Variants in GTF2IRD1 observed in about 807,000 individuals in gnomAD.
GTF2IRD1 encodes general transcription factor II-I repeat domain-containing protein 1.
In GTF2IRD1, 26 loss-of-function variants were observed where a neutral mutation model predicts 113.2. The observed-to-expected ratio is 0.23, with a 90% CI of 0.17 to 0.32. GTF2IRD1 has a LOEUF of 0.32. Ranked by LOEUF, GTF2IRD1 falls within the 10% of genes least tolerant of loss-of-function variation. GTF2IRD1 has a pLI of 1.00. For missense variants in GTF2IRD1, 864 were observed against 1,280.8 expected (o/e 0.67, Z 4.97); for synonymous variants, 484 against 529.1 (o/e 0.91, Z 1.17).
At chr7:74,488,034 A>C (rs935018561) in intron 1 of GTF2IRD1, among the ~76,000 whole-genome samples, 6 of 152,198 alleles carry the variant, frequency 3.9e-5, no homozygotes, top group Admixed American at 2.0e-4. Context: ...ATAATCTAGC[A>C]CTTTGGGAGC....
intron 1 of GTF2IRD1, among the ~76,000 whole-genome samples, chr7:74,497,327 G>C (rs1421176880): frequency 6.6e-6 from 1 of 152,146 alleles, no homozygotes; most frequent in African/African-American, 2.4e-5. Context: ...CAGTTGCACA[G>C]TCACACCTCA....
chr7:74,463,073 G>A (rs1208376198), intron 1 of GTF2IRD1, among the ~76,000 whole-genome samples: 2 of 152,146 alleles, frequency 1.3e-5, no homozygotes, highest in East Asian at 3.8e-4. Context: ...CAGCTGTTTT[G>A]CTTGGGGTAG....
chr7:74,492,813 G>T (rs55831947), intron 1 of GTF2IRD1, among the ~76,000 whole-genome samples: 28 of 152,120 alleles, frequency 1.8e-4, no homozygotes, highest in African/African-American at 6.7e-4. Context: ...CCTGGGGGCT[G>T]CCAGCACTCC....
chr7:74,596,459 CAAA>C (rs1184751959), intron 25 of GTF2IRD1, among the ~76,000 whole-genome samples: 5 of 60,490 alleles, frequency 8.3e-5, no homozygotes, highest in Non-Finnish European at 9.6e-5. Context: ...GACTCTGTCT[CAAA>C]AAAAAAAAAA....
chr7:74,495,544 T>C (rs1554337644), intron 1 of GTF2IRD1, among the ~76,000 whole-genome samples: 1 of 152,072 alleles, frequency 6.6e-6, no homozygotes, highest in Admixed American at 6.5e-5. Flanking sequence ...CAGGCCTTGT[T>C]ATGTGTAGCA....
At chr7:74,493,451 G>C (rs868935886) in intron 1 of GTF2IRD1, among the ~76,000 whole-genome samples, 6 of 152,178 alleles carry the variant, frequency 3.9e-5, no homozygotes, top group Middle Eastern at 3.4e-3. Flanking sequence ...GGCATTTAGA[G>C]CCTACCCGGC....
At position 74,515,532 on chromosome 7, in the gene GTF2IRD1, G is replaced by C. The variant is rs1554344481; in HGVS notation, c.357G>C (p.Leu119=). ...GCCGTAGCCTCCCTCGGTCCTCCCT[G>C]GAACATGGCTCAGATGTGTACCTTC... ...GGGRSLPRSS[L]EHGSDVYLLR... Residue 119 remains leucine (L), a synonymous_variant, in exon 4 of 27, where the codon CTG becomes CTC. Transcript: ENST00000424337. The C allele has an allele frequency of 6.2e-7, 1 of 1,613,824 alleles. No individual in the cohort carries two copies. The highest frequency in any genetic ancestry group is 1.3e-5 in the African/African-American group (1 of 74,922).
rs1800829930 is a variant in GTF2IRD1, at chr7:74,573,673, TGGTAACCATG to T, written c.2320+14020_2320+14029del. On this transcript the variant is annotated intron_variant, in intron 22 of 26. Transcript: ENST00000424337. ...CCATAGAAGTAGAGCAGGGGCAGGG[TGGTAACCATG>T]GCTCAGCACATGTGGTTTACTGGGT... is the stretch of plus-strand genomic sequence containing the variant. 2.0e-5 allele frequency among the ~76,000 whole-genome samples: 3 copies of T among 152,176 alleles called. No individual in the cohort carries two copies. In the South Asian group the frequency reaches 6.2e-4, roughly 32 times the overall value.
rs202215394 is a variant in GTF2IRD1, at chr7:74,524,153, T to C, written c.1089T>C (p.Tyr363=). 4 of 1,604,616 alleles carry C rather than the reference T, an allele frequency of 2.5e-6. No homozygotes were observed. Among genetic ancestry groups the C allele is most frequent in the African/African-American group, 1.3e-5 (1 of 74,754 alleles). The change falls in exon 8 of 27, where the codon TAT becomes TAC. Residue 363 remains tyrosine (Y), a splice_region_variant and synonymous_variant. Coordinates refer to ENST00000424337, the MANE Select transcript of GTF2IRD1 (RefSeq NM_005685.4). ...ECVQILFNSR[Y]AEALGLDHMV... ...TGCAGATCCTGTTTAACAGCAGATA[T>C]GGTGAGTGGGCGGCGCGGCCCGCCG...
At position 74,576,617 on chromosome 7, in the gene GTF2IRD1, C is replaced by CTT. The variant is rs1165378230; in HGVS notation, c.2321-13203_2321-13202dup. ...TCTAGGGGAAAATCTATTTCCTTGTCTTTTTTTTTTTTTTTTTTTTTTTTT... is the reference window on the plus strand; with the variant it reads ...TCTAGGGGAAAATCTATTTCCTTGTCTTTTTTTTTTTTTTTTTTTTTTTTTTT... On this transcript the variant is annotated intron_variant, in intron 22 of 26. Transcript: ENST00000424337. Among the ~76,000 whole-genome samples, 430 of 49,376 alleles carry CTT rather than the reference C, an allele frequency of 8.7e-3. 58 individuals carry two copies. The highest frequency in any genetic ancestry group is 0.014 in the African/African-American group (163 of 11,740). 32.4% of individuals were successfully genotyped at this position (49,376 alleles called of 152,430 possible).
intron 22 of GTF2IRD1, among the ~76,000 whole-genome samples, chr7:74,569,467 C>T (rs1174837396): frequency 5.9e-5 from 9 of 152,096 alleles, no homozygotes; most frequent in Admixed American, 3.9e-4. Context: ...TGGGGTTGTG[C>T]AGTGAGGGGG....
intron 25 of GTF2IRD1, among the ~76,000 whole-genome samples, chr7:74,599,876 C>G (rs1262908477): frequency 1.3e-5 from 2 of 152,104 alleles, no homozygotes; most frequent in African/African-American, 4.8e-5. Context: ...TCCAGCCTCC[C>G]CAGAACTCCC....
chr7:74,495,347 G>A (rs1795593965), intron 1 of GTF2IRD1, among the ~76,000 whole-genome samples: 2 of 152,158 alleles, frequency 1.3e-5, no homozygotes, highest in African/African-American at 2.4e-5. Flanking sequence ...AGAGCACTTC[G>A]GCGTTCTGCT....
chr7:74,505,042 C>G (rs1395298954), intron 1 of GTF2IRD1, among the ~76,000 whole-genome samples: 1 of 151,534 alleles, frequency 6.6e-6, no homozygotes, highest in Admixed American at 6.6e-5. Context: ...ATTTAAAAGA[C>G]AGGGTCTTGC....
rs1415252974 is a variant in GTF2IRD1 at position 74,572,648 on chromosome 7, T to C, written c.2320+12993T>C. 7 of 613,230 alleles carry C rather than the reference T, an allele frequency of 1.1e-5. No homozygotes were observed. The African/African-American group carries it at 1.4e-4, about 12-fold the overall frequency. The allele number at this position is 613,230 out of a possible 1,614,324, so 38.0% of individuals were successfully genotyped here. ...CAATCACACACAGGCACACACCCTCTGGCCCCTGCCTCCCTCTCTCAGCCT... is the reference window on the plus strand; with the variant it reads ...CAATCACACACAGGCACACACCCTCCGGCCCCTGCCTCCCTCTCTCAGCCT... On this transcript the variant is annotated intron_variant, in intron 22 of 26. Transcript: ENST00000424337.
Position 74,590,897 on chromosome 7 carries a change from A to C in GTF2IRD1, c.2471A>C (p.Glu824Ala). The change falls in exon 24 of 27, where the codon GAG becomes GCG. Residue 824 changes from glutamate (E) to alanine (A), a missense_variant. By Grantham distance (107) the Glu-to-Ala change is moderately radical. This residue lies in a region of GTF2IRD1 where 195 missense variants were observed against 359.1 expected (regional missense o/e 0.54). Coordinates refer to ENST00000424337, the MANE Select transcript of GTF2IRD1 (RefSeq NM_005685.4). ...ATCCGGGACAGCCCAGACGCCGTGG[A>C]GGTCACGGGTCTGCCTGATGACATC... The part of the protein sequence containing the change: ...KLIRDSPDAV[E>A]VTGLPDDIPF... The C allele has an allele frequency of 6.2e-7, 1 of 1,613,496 alleles. No individual in the cohort carries two copies. Among genetic ancestry groups the C allele is most frequent in the Non-Finnish European group, 8.5e-7 (1 of 1,179,572 alleles).
At chr7:74,455,006 G>A (rs1057169330) in intron 1 of GTF2IRD1, among the ~76,000 whole-genome samples, 8 of 152,134 alleles carry the variant, frequency 5.3e-5, no homozygotes, top group African/African-American at 1.9e-4. Context: ...CTCGCCTGGC[G>A]TGGGCCCAGG....
At chr7:74,532,995 G>T (rs1425799555) in intron 9 of GTF2IRD1, among the ~76,000 whole-genome samples, 1 of 152,136 alleles carries the variant, frequency 6.6e-6, no homozygotes, top group Non-Finnish European at 1.5e-5. Flanking sequence ...CACCACCCTG[G>T]TGGGGCTGAG....
Position 74,519,499 on chromosome 7 carries a change from G to A in GTF2IRD1, c.696G>A (p.Leu232=), listed in dbSNP as rs782636513. The A allele has an allele frequency of 2.5e-6, 4 of 1,609,648 alleles. No individual in the cohort carries two copies. Among genetic ancestry groups the A allele is most frequent in the Non-Finnish European group, 2.5e-6 (3 of 1,177,756 alleles). The part of the protein sequence containing the change: ...LIPKGSRDCG[L]HGQAPKVPPQ... The stretch of plus-strand genomic sequence containing the variant: ...CCAAGGGGTCACGGGACTGTGGCCT[G>A]CATGGCCAGGCCCCCAAGGTGCCAC... The change falls in exon 6 of 27, where the codon CTG becomes CTA. Residue 232 remains leucine (L), a synonymous_variant. Transcript: ENST00000424337.
Sources: gnomAD v4.1 joint callset for allele counts (sites outside exome capture counted in the v4.1 genomes callset) on GRCh38, gnomAD v4.1.1 for gene constraint, gnomAD v4.1.1 regional missense constraint, MANE v1.5 for transcripts, NCBI Gene and HGNC (gene_info 2026-07-23, HGNC 2026-07-21) for gene names.